The following PPP1R2 variants were observed in gnomAD, a reference collection of about 807,000 sequenced individuals.
PPP1R2 encodes the protein protein phosphatase 1 regulatory inhibitor subunit 2.
A neutral mutation model predicts 29.9 loss-of-function variants in PPP1R2; 16 were observed. That is an observed-to-expected ratio of 0.53 (90% CI 0.36 to 0.81). PPP1R2 has a LOEUF of 0.81. Among genes scored for constraint, PPP1R2 ranks in the 30% least tolerant of loss-of-function variants. The pLI, the probability that PPP1R2 is intolerant of heterozygous loss-of-function variation, is 0.00. For synonymous variants in PPP1R2, 76 were observed against 91.5 expected (o/e 0.83, Z 0.96); for missense variants, 197 against 252.7 (o/e 0.78, Z 1.49).
chr3:195,531,871 G>C (rs566502987), intron 1 of PPP1R2, among the ~76,000 whole-genome samples: 19 of 152,216 alleles, frequency 1.2e-4, no homozygotes, highest in African/African-American at 4.6e-4. Flanking sequence ...ACTCTCCCCA[G>C]CCCCTAGACC....
chr3:195,521,141 C>A (rs1366367004), intron 4 of PPP1R2, among the ~76,000 whole-genome samples: 1 of 151,596 alleles, frequency 6.6e-6, no homozygotes, highest in Non-Finnish European at 1.5e-5. Flanking sequence ...TGGTGAAACC[C>A]CGTCTCTACT....
chr3:195,530,027 T>C (rs976681745), intron 1 of PPP1R2, 126 bp from the exon 2 acceptor site: 25 of 667,444 alleles, frequency 3.7e-5, no homozygotes, highest in South Asian at 2.4e-4. Context: ...TTTTCACATA[T>C]ACTTTCTTGG....
chr3:195,533,765 C>T (rs568787029), intron 1 of PPP1R2, among the ~76,000 whole-genome samples: 1 of 152,142 alleles, frequency 6.6e-6, no homozygotes, highest in South Asian at 2.1e-4. Flanking sequence ...TTTGTATTGC[C>T]GATGCATCTT....
rs752591522 is a variant in PPP1R2 at position 195,529,810 on chromosome 3, T to A, written c.214A>T (p.Ser72Cys). The A allele has an allele frequency of 6.2e-7, 1 of 1,603,714 alleles. No homozygotes were observed. The highest frequency in any genetic ancestry group is 1.1e-5 in the South Asian group (1 of 89,068). Residue 72 changes from serine (S) to cysteine (C), a missense_variant, in exon 2 of 6, where the codon AGC becomes TGC. Ser to Cys is a moderately radical substitution (Grantham distance 112). Coordinates refer to ENST00000618156, the MANE Select transcript of PPP1R2 (RefSeq NM_006241.8). Reference protein sequence around the residue: ...DYGLMKIDEPSTPYHSMMGDD... With the variant: ...DYGLMKIDEPCTPYHSMMGDD... ...TAACATTACCTATGGTAAGGAGTGC[T>A]TGGTTCATCTATTTTCATTAAACCA...
chr3:195,534,694 G>A (rs1246372886), intron 1 of PPP1R2, among the ~76,000 whole-genome samples: 1 of 151,900 alleles, frequency 6.6e-6, no homozygotes, highest in Non-Finnish European at 1.5e-5. Context: ...ATACAGAACT[G>A]CTTTTAAAAA....
chr3:195,523,633 G>A (rs1239639282), intron 4 of PPP1R2, 59 bp downstream of exon 4: 11 of 1,387,162 alleles, frequency 7.9e-6, no homozygotes, highest in Non-Finnish European at 1.1e-5. Flanking sequence ...CCAAATAATG[G>A]ATTTATCTTA....
chr3:195,522,901 TTG>T (rs1718820244), intron 4 of PPP1R2, among the ~76,000 whole-genome samples: 1 of 152,220 alleles, frequency 6.6e-6, no homozygotes, highest in Non-Finnish European at 1.5e-5. Flanking sequence ...TTCCTCTTTT[TTG>T]TGAGTATGTG....
intron 3 of PPP1R2, among the ~76,000 whole-genome samples, 159 bp from the exon 4 acceptor site, chr3:195,523,945 G>C (rs564494650): frequency 6.6e-6 from 1 of 152,074 alleles, no homozygotes; most frequent in African/African-American, 2.4e-5. Context: ...GAAACGTGCC[G>C]GGCATGGTGG....
intron 2 of PPP1R2, chr3:195,529,148 G>A (rs1410956527): frequency 6.6e-6 from 1 of 152,004 alleles, no homozygotes; most frequent in Non-Finnish European, 1.5e-5. Flanking sequence ...GGGATTACAG[G>A]CGTGAGCCAC....
intron 2 of PPP1R2, chr3:195,529,461 G>C (rs1344757220): frequency 1.1e-5 from 2 of 179,808 alleles, no homozygotes; most frequent in Non-Finnish European, 2.3e-5. Flanking sequence ...GTAAACCCCA[G>C]ATTTCTACTT....
chr3:195,539,687 T>C (rs901326736), intron 1 of PPP1R2, among the ~76,000 whole-genome samples: 7 of 151,592 alleles, frequency 4.6e-5, no homozygotes, highest in Admixed American at 4.6e-4. Flanking sequence ...GTCTCAAAAA[T>C]AAACAAAAAA....
In PPP1R2 at chr3:195,536,776, G is replaced by A. The variant is rs1442749155; in HGVS notation, c.122+6128C>T. On this transcript the variant is annotated intron_variant, in intron 1 of 5. Coordinates refer to ENST00000618156, the MANE Select transcript of PPP1R2 (RefSeq NM_006241.8). ...GTGCTCCAGCCTGGGCGACAAGAGC[G>A]AAACTCCGTCTCAAAAAAAAAAAAA... Among the ~76,000 whole-genome samples the A allele has an allele frequency of 4.6e-5, 5 of 109,882 alleles. No individual in the cohort carries two copies. The East Asian group carries it at 8.5e-4, about 19-fold the overall frequency. The allele number at this position is 109,882 out of a possible 152,430, so 72.1% of individuals were successfully genotyped here.
rs1418669768 is a variant in PPP1R2 at position 195,516,699 on chromosome 3, T to C, written c.*197A>G. 1 of 554,424 alleles carries C rather than the reference T, an allele frequency of 1.8e-6. No individual in the cohort carries two copies. Among genetic ancestry groups the C allele is most frequent in the East Asian group, 2.8e-5 (1 of 35,464 alleles). The allele number at this position is 554,424 out of a possible 1,614,324, so 34.3% of individuals were successfully genotyped here. ...TTACACTGTATTTGTGGTAAAGTAC[T>C]AGGCACAAGAATATATATATCGATT... On this transcript the variant is annotated 3_prime_UTR_variant, in exon 6 of 6. Transcript: ENST00000618156.
intron 4 of PPP1R2, among the ~76,000 whole-genome samples, chr3:195,522,800 C>T (rs1160953944): frequency 6.6e-6 from 1 of 152,192 alleles, no homozygotes; most frequent in Non-Finnish European, 1.5e-5. Flanking sequence ...GACAAAGATC[C>T]TTCGTTCTAA....
intron 1 of PPP1R2, among the ~76,000 whole-genome samples, chr3:195,536,050 C>G (rs540340651): frequency 6.6e-6 from 1 of 152,204 alleles, no homozygotes; most frequent in Admixed American, 6.5e-5. Flanking sequence ...TTTTCTCTAG[C>G]TTACTGTATT....
At chr3:195,518,250 C>T (rs1327072143) in intron 5 of PPP1R2, among the ~76,000 whole-genome samples, 1 of 151,896 alleles carries the variant, frequency 6.6e-6, no homozygotes, top group Non-Finnish European at 1.5e-5. Flanking sequence ...AAAATAAAAA[C>T]AAAAACAGTT....
chr3:195,520,135 G>C (rs908844155), intron 4 of PPP1R2, among the ~76,000 whole-genome samples: 1 of 152,006 alleles, frequency 6.6e-6, no homozygotes, highest in African/African-American at 2.4e-5. Flanking sequence ...TCAGTCTCCC[G>C]AGTAGTTGGG....
At chr3:195,530,508 T>G (rs1012578731) in intron 1 of PPP1R2, among the ~76,000 whole-genome samples, 3 of 152,314 alleles carry the variant, frequency 2.0e-5, no homozygotes, top group African/African-American at 7.2e-5. Context: ...GCAATAGACG[T>G]TCTCTCTAAG....
chr3:195,521,314 C>CA (rs869228346), intron 4 of PPP1R2, among the ~76,000 whole-genome samples: 23,128 of 56,536 alleles, frequency 0.41, 6,989 homozygotes, highest in East Asian at 0.85. Flanking sequence ...GACTCTGTCT[C>CA]AAAAAAAAAA....
Sources: gnomAD v4.1 joint callset for allele counts (sites outside exome capture counted in the v4.1 genomes callset) on GRCh38, gnomAD v4.1.1 for gene constraint, MANE v1.5 for transcripts, NCBI Gene and HGNC (gene_info 2026-07-23, HGNC 2026-07-21) for gene names.